Variants in FHIT observed in about 807,000 individuals in gnomAD.
The protein encoded by FHIT is bis(5'-adenosyl)-triphosphatase.
A neutral mutation model predicts 17.9 loss-of-function variants in FHIT; 19 were observed. That is an observed-to-expected ratio of 1.06 (90% CI 0.74 to 1.56). FHIT has a LOEUF of 1.56. FHIT is among the 40% of genes most tolerant of loss of function. The pLI is 0.00. For missense variants in FHIT, 248 were observed against 189.2 expected (o/e 1.31, Z -1.82); for synonymous variants, 81 against 69.7 (o/e 1.16, Z -0.81).
chr3:61,216,616 C>A (rs1183011228), intron 1 of FHIT, among the ~76,000 whole-genome samples: 1 of 152,170 alleles, frequency 6.6e-6, no homozygotes, highest in Non-Finnish European at 1.5e-5. Flanking sequence ...ACTAGAAATA[C>A]CATTTGACCC....
At chr3:60,192,361 G>A (rs374956778) in intron 5 of FHIT, among the ~76,000 whole-genome samples, 77 of 152,236 alleles carry the variant, frequency 5.1e-4, no homozygotes, top group African/African-American at 1.8e-3. Context: ...AAATGCAGAT[G>A]TAGGTTTAGG....
intron 3 of FHIT, among the ~76,000 whole-genome samples, chr3:60,957,129 G>GCTTT (rs1709203390): frequency 6.6e-6 from 1 of 151,968 alleles, no homozygotes; most frequent in South Asian, 2.1e-4. Flanking sequence ...TCATCATGTA[G>GCTTT]CTTTGTATGG....
At chr3:60,592,229 C>G (rs2038110034) in intron 4 of FHIT, among the ~76,000 whole-genome samples, 1 of 144,806 alleles carries the variant, frequency 6.9e-6, no homozygotes, top group Non-Finnish European at 1.5e-5. Flanking sequence ...TATATATATA[C>G]TATATATATT....
intron 5 of FHIT, among the ~76,000 whole-genome samples, chr3:60,093,802 T>C (rs1039060613): frequency 1.3e-5 from 2 of 152,150 alleles, no homozygotes; most frequent in African/African-American, 4.8e-5. Context: ...AACCACTCCC[T>C]CCACCACCGG....
chr3:60,103,751 C>T lies in FHIT; in HGVS notation c.104-89599G>A, dbSNP rs17062229. On this transcript the variant is annotated intron_variant, in intron 5 of 9. Coordinates refer to ENST00000492590, the MANE Select transcript of FHIT (RefSeq NM_002012.4). The stretch of plus-strand genomic sequence containing the variant: ...GCAATTATACTTTTTCCAACGTTTT[C>T]AGCTCGAAATAATCAACATACCAAT... 7.1e-3 allele frequency among the ~76,000 whole-genome samples: 1,084 copies of T among 152,314 alleles called. 9 individuals carry two copies. Among genetic ancestry groups the T allele is most frequent in the African/African-American group, 0.025 (1,033 of 41,568 alleles).
At chr3:60,124,121 T>C (rs941981481) in intron 5 of FHIT, among the ~76,000 whole-genome samples, 18 of 147,772 alleles carry the variant, frequency 1.2e-4, no homozygotes, top group Non-Finnish European at 1.9e-4. Flanking sequence ...GGCATGATCA[T>C]GGCTCATTGT....
intron 4 of FHIT, among the ~76,000 whole-genome samples, chr3:60,569,755 A>ATATTTT: frequency 1.4e-3 from 108 of 77,312 alleles, no homozygotes; most frequent in South Asian, 1.7e-3. Flanking sequence ...ATATATATAT[A>ATATTTT]TTTTTTTTTT....
chr3:60,512,060 TA>T (rs1373917015), intron 5 of FHIT, among the ~76,000 whole-genome samples: 1 of 151,976 alleles, frequency 6.6e-6, no homozygotes, highest in Non-Finnish European at 1.5e-5. Context: ...ACGACAAAAA[TA>T]GAAAGCTAAC....
intron 4 of FHIT, among the ~76,000 whole-genome samples, chr3:60,576,866 G>C (rs1237718355): frequency 1.3e-5 from 2 of 151,440 alleles, no homozygotes; most frequent in African/African-American, 4.9e-5. Context: ...CATTTTACTA[G>C]GCACTTTGGA....
At chr3:60,878,420 G>C (rs1027288100) in intron 3 of FHIT, among the ~76,000 whole-genome samples, 2 of 151,930 alleles carry the variant, frequency 1.3e-5, no homozygotes, top group Non-Finnish European at 2.9e-5. Context: ...AGGAAAATCA[G>C]AATAGGAGGA....
At chr3:60,410,067 A>C (rs1010062241) in intron 5 of FHIT, among the ~76,000 whole-genome samples, 1 of 152,206 alleles carries the variant, frequency 6.6e-6, no homozygotes, top group Non-Finnish European at 1.5e-5. Context: ...AAAATACAGG[A>C]TAATTCAGAA....
intron 4 of FHIT, among the ~76,000 whole-genome samples, chr3:60,705,049 TA>T (rs200547068): frequency 0.016 from 2,086 of 132,702 alleles, 19 homozygotes; most frequent in African/African-American, 0.033. Flanking sequence ...ACTGTGGAAT[TA>T]AAAAAAAAAA....
At chr3:60,272,474 A>G (rs1374624526) in intron 5 of FHIT, among the ~76,000 whole-genome samples, 4 of 152,190 alleles carry the variant, frequency 2.6e-5, no homozygotes, top group African/African-American at 9.6e-5. Context: ...TCTGGGGCAC[A>G]GGGTATCTTC....
chr3:61,171,692 A>G (rs2038009356), intron 2 of FHIT, among the ~76,000 whole-genome samples: 1 of 152,212 alleles, frequency 6.6e-6, no homozygotes, highest in South Asian at 2.1e-4. Flanking sequence ...CACTCACTAC[A>G]TTAAAATGAA....
chr3:60,316,131 G>GTC (rs990216737), intron 5 of FHIT, among the ~76,000 whole-genome samples: 20 of 152,264 alleles, frequency 1.3e-4, no homozygotes, highest in African/African-American at 4.8e-4. Flanking sequence ...ATGCAGAAAT[G>GTC]TCACTTTTTG....
intron 5 of FHIT, among the ~76,000 whole-genome samples, chr3:60,412,643 T>C (rs1439199985): frequency 6.6e-6 from 1 of 152,024 alleles, no homozygotes; most frequent in East Asian, 1.9e-4. Flanking sequence ...CATTTGCAGA[T>C]GGGCAAACTG....
intron 7 of FHIT, among the ~76,000 whole-genome samples, chr3:59,956,089 A>G (rs1707379251): frequency 6.6e-6 from 1 of 152,202 alleles, no homozygotes; most frequent in African/African-American, 2.4e-5. Context: ...CTGCATTTCT[A>G]CTTGCCTATT....
At chr3:60,891,923 T>C (rs1705533490) in intron 3 of FHIT, among the ~76,000 whole-genome samples, 1 of 152,148 alleles carries the variant, frequency 6.6e-6, no homozygotes, top group Non-Finnish European at 1.5e-5. Context: ...TCAAAAGTCA[T>C]CCATCAAATC....
chr3:59,888,307 T>C (rs1375465659), intron 8 of FHIT, among the ~76,000 whole-genome samples: 1 of 152,224 alleles, frequency 6.6e-6, no homozygotes, highest in African/African-American at 2.4e-5. Context: ...TAGAGAACCA[T>C]CTTTTAAAAA....
Sources: allele counts gnomAD v4.1 joint callset (sites outside exome capture counted in the v4.1 genomes callset), GRCh38; gene constraint gnomAD v4.1.1; transcripts MANE v1.5; gene names NCBI Gene and HGNC (gene_info 2026-07-23, HGNC 2026-07-21).